The following AASDHPPT variants were observed in gnomAD, a reference collection of about 807,000 sequenced individuals.
AASDHPPT encodes aminoadipate-semialdehyde dehydrogenase-phosphopantetheinyl transferase.
AASDHPPT carries 23 observed loss-of-function variants against 36.4 expected under a neutral mutation model. The observed-to-expected ratio is 0.63, with a 90% confidence interval of 0.45 to 0.89. The LOEUF (loss-of-function observed/expected upper bound fraction) is 0.89, where lower values mean the gene tolerates loss of function less well. Among genes scored for constraint, AASDHPPT ranks in the 40% least tolerant of loss-of-function variants. The probability of loss-of-function intolerance (pLI) is 0.00; values close to 1 mark genes in which losing one functional copy is unlikely to be tolerated. For missense variants in AASDHPPT, 377 were observed against 378.2 expected (o/e 1.00, Z 0.03); for synonymous variants, 115 against 128.0 (o/e 0.90, Z 0.68).
At chr11:106,086,927 A>C (rs929172030) in intron 2 of AASDHPPT, among the ~76,000 whole-genome samples, 7 of 152,216 alleles carry the variant, frequency 4.6e-5, no homozygotes, top group Non-Finnish European at 2.9e-5. Context: ...TGAAAATAAA[A>C]GGCTTCATGC....
At chr11:106,083,986 T>G (rs998943602) in intron 2 of AASDHPPT, among the ~76,000 whole-genome samples, 1 of 152,232 alleles carries the variant, frequency 6.6e-6, no homozygotes, top group South Asian at 2.1e-4. Context: ...ATAACAAATT[T>G]GGTAAGGTGT....
At position 106,077,695 on chromosome 11, in the gene AASDHPPT, G is replaced by C. The variant is rs763509428; in HGVS notation, c.-16G>C. The C allele has an allele frequency of 1.9e-6, 3 of 1,606,006 alleles. No homozygotes were observed. Among genetic ancestry groups the C allele is most frequent in the African/African-American group, 1.3e-5 (1 of 74,700 alleles). Reference sequence around the variant, plus strand: ...GCCATCAGGCCCGAGATAGCGGCGAGGTCCGCTTTCAGTGTATGGTTTTCC... The same window carrying C: ...GCCATCAGGCCCGAGATAGCGGCGACGTCCGCTTTCAGTGTATGGTTTTCC... On this transcript the variant is annotated 5_prime_UTR_variant, in exon 1 of 6. Coordinates refer to ENST00000278618, the MANE Select transcript of AASDHPPT (RefSeq NM_015423.3).
At chr11:106,087,577 T>A (rs1436361011) in intron 2 of AASDHPPT, among the ~76,000 whole-genome samples, 2 of 152,164 alleles carry the variant, frequency 1.3e-5, no homozygotes, top group African/African-American at 4.8e-5. Context: ...TATTTGTGTA[T>A]ACATATTGGT....
intron 4 of AASDHPPT, chr11:106,093,921 A>T (rs1861282792): frequency 1.3e-5 from 2 of 148,632 alleles, no homozygotes; most frequent in South Asian, 4.2e-4. Flanking sequence ...TTGCAACTTG[A>T]TTTTTTTTTT....
chr11:106,083,587 A>G (rs1861166273), intron 2 of AASDHPPT, among the ~76,000 whole-genome samples: 4 of 152,204 alleles, frequency 2.6e-5, no homozygotes. Flanking sequence ...TGTGTTAGTC[A>G]TTGTAAACTA....
At chr11:106,081,395 C>T (rs4456234) in intron 2 of AASDHPPT, among the ~76,000 whole-genome samples, 143,721 of 152,300 alleles carry the variant, frequency 0.94, 68,296 homozygotes, top group Non-Finnish European at 1. Flanking sequence ...CCTCCTGAAA[C>T]TGTATGCTAC....
At chr11:106,081,705 GAT>G (rs1861142933) in intron 2 of AASDHPPT, among the ~76,000 whole-genome samples, 1 of 152,116 alleles carries the variant, frequency 6.6e-6, no homozygotes, top group African/African-American at 2.4e-5. Context: ...CAGTTAACTT[GAT>G]GGGCAGTGTT....
At chr11:106,083,970 A>G (rs1861170570) in intron 2 of AASDHPPT, among the ~76,000 whole-genome samples, 1 of 152,162 alleles carries the variant, frequency 6.6e-6, no homozygotes, top group African/African-American at 2.4e-5. Flanking sequence ...AATAAGGAAA[A>G]TTCTTATAAC....
At position 106,094,487 on chromosome 11, in the gene AASDHPPT, TAGAG is replaced by T. The variant is rs1306773752; in HGVS notation, c.694-86_694-83del. 20 of 804,318 alleles carry T rather than the reference TAGAG, an allele frequency of 2.5e-5. No individual in the cohort carries two copies. In the Admixed American group the frequency reaches 3.1e-4, roughly 12 times the overall value. 49.8% of individuals were successfully genotyped at this position (804,318 alleles called of 1,614,324 possible). A position where few individuals can be genotyped will look rare whatever the true frequency, so the allele number is the denominator to read the frequency against. Reference sequence around the variant, plus strand: ...GAGTGTACGTATATGTATATATATATAGAGAGAGAGAGAATGAGATTTAGAAAAT... The same window carrying T: ...GAGTGTACGTATATGTATATATATATAGAGAGAGAATGAGATTTAGAAAAT... On this transcript the variant is annotated intron_variant, in intron 4 of 5. Transcript: ENST00000278618.
Position 106,079,819 on chromosome 11 carries a change from C to T in AASDHPPT, c.409+127C>T. Reference sequence around the variant, plus strand: ...GTTTAGGGAAAATGTGCTTAGTACACAAAGGTAATGGAGAGCATAAATCTG... The same window carrying T: ...GTTTAGGGAAAATGTGCTTAGTACATAAAGGTAATGGAGAGCATAAATCTG... On this transcript the variant is annotated intron_variant, in intron 2 of 5. Coordinates refer to ENST00000278618, the MANE Select transcript of AASDHPPT (RefSeq NM_015423.3). 2 of 750,798 alleles carry T rather than the reference C, an allele frequency of 2.7e-6. 1 individual carries two copies. The highest frequency in any genetic ancestry group is 3.6e-5 in the South Asian group (2 of 56,020). 46.5% of individuals were successfully genotyped at this position (750,798 alleles called of 1,614,324 possible). A position where few individuals can be genotyped will look rare whatever the true frequency, so the allele number is the denominator to read the frequency against.
chr11:106,091,298 T>C lies in AASDHPPT; in HGVS notation c.532-18T>C, dbSNP rs571986962. On this transcript the variant is annotated intron_variant, in intron 3 of 5. Transcript: ENST00000278618. The stretch of plus-strand genomic sequence containing the variant: ...TTGTCCACCAAATTCTAAGAGAAAA[T>C]GTCTTTCTGTATCTTAGGCACTTAA... 152 of 1,569,322 alleles carry C rather than the reference T, an allele frequency of 9.7e-5. 3 individuals are homozygous for C. In the South Asian group the frequency reaches 1.7e-3, roughly 18 times the overall value.
Position 106,077,675 on chromosome 11 carries a change from C to T in AASDHPPT, c.-36C>T, listed in dbSNP as rs748853800. 4 of 1,595,520 alleles carry T rather than the reference C, an allele frequency of 2.5e-6. No individual in the cohort carries two copies. The East Asian group carries it at 9.1e-5, about 36-fold the overall frequency. On this transcript the variant is annotated 5_prime_UTR_variant, in exon 1 of 6. Transcript: ENST00000278618. ...GGGGCCACGTTTGCGTCCGCGCCAT[C>T]AGGCCCGAGATAGCGGCGAGGTCCG...
intron 1 of AASDHPPT, among the ~76,000 whole-genome samples, chr11:106,078,383 A>C (rs896504095): frequency 1.3e-5 from 2 of 152,106 alleles, no homozygotes. Flanking sequence ...GCTCCCCGGG[A>C]TTGAAGCCAA....
intron 2 of AASDHPPT, among the ~76,000 whole-genome samples, chr11:106,082,591 G>A (rs982687302): frequency 1.3e-5 from 2 of 152,136 alleles, no homozygotes; most frequent in African/African-American, 2.4e-5. Context: ...TAGGAACTCA[G>A]AGAGTCTTTT....
At chr11:106,091,098 A>G (rs1313570790) in intron 3 of AASDHPPT, among the ~76,000 whole-genome samples, 1 of 152,106 alleles carries the variant, frequency 6.6e-6, no homozygotes, top group African/African-American at 2.4e-5. Context: ...ATCGCAGGTT[A>G]CATACGAGGG....
At chr11:106,093,488 A>G (rs988287464) in intron 4 of AASDHPPT, 1 of 152,224 alleles carries the variant, frequency 6.6e-6, no homozygotes, top group Admixed American at 6.5e-5. Context: ...GATAACTTTG[A>G]CATAGTAAAT....
At chr11:106,078,634 T>C (rs1480744567) in intron 1 of AASDHPPT, among the ~76,000 whole-genome samples, 1 of 152,232 alleles carries the variant, frequency 6.6e-6, no homozygotes, top group African/African-American at 2.4e-5. Flanking sequence ...TGTAGACTAG[T>C]TGATAATTTT....
chr11:106,096,891 A>G lies in AASDHPPT; in HGVS notation c.914A>G (p.Asn305Ser), dbSNP rs1861319929. The G allele has an allele frequency of 6.2e-7, 1 of 1,609,110 alleles. No individual in the cohort carries two copies. The highest frequency in any genetic ancestry group is 1.3e-5 in the African/African-American group (1 of 74,626). Reference protein sequence around the residue: ...FCFTEEIPIRNGTKS With the variant: ...FCFTEEIPIRSGTKS The stretch of plus-strand genomic sequence containing the variant: ...TTCACAGAAGAAATTCCAATACGAA[A>G]TGGTACAAAGTCATGATGATTCCCT... Residue 305 changes from asparagine to serine, a missense_variant, in exon 6 of 6, where the codon AAT becomes AGT. By Grantham distance (46) the Asn-to-Ser change is conservative. Coordinates refer to ENST00000278618, the MANE Select transcript of AASDHPPT (RefSeq NM_015423.3).
chr11:106,087,916 G>C (rs1861212601), intron 2 of AASDHPPT, among the ~76,000 whole-genome samples: 1 of 152,170 alleles, frequency 6.6e-6, no homozygotes, highest in African/African-American at 2.4e-5. Flanking sequence ...AATAGTTTAA[G>C]GGACAAATTC....
Sources: gnomAD v4.1 joint callset for allele counts (sites outside exome capture counted in the v4.1 genomes callset) on GRCh38, gnomAD v4.1.1 for gene constraint, MANE v1.5 for transcripts, NCBI Gene and HGNC (gene_info 2026-07-23, HGNC 2026-07-21) for gene names.